PRELID2: variants seen among roughly 807,000 people sequenced by gnomAD.
PRELID2 encodes the protein PRELI domain containing 2.
A neutral mutation model predicts 28.4 loss-of-function variants in PRELID2; 25 were observed. The observed-to-expected ratio is 0.88, with a 90% confidence interval of 0.64 to 1.23. The LOEUF is 1.23. Among genes scored for constraint, PRELID2 ranks in the 50% most tolerant of loss-of-function variants. The pLI is 0.00. For missense variants in PRELID2, 201 were observed against 214.4 expected, an observed-to-expected ratio of 0.94 and a Z score of 0.39; for synonymous variants, 76 against 71.6, an observed-to-expected ratio of 1.06 and a Z score of -0.31.
At chr5:145,376,819 A>C in the PRELID2 span, among the ~76,000 whole-genome samples, 1 of 151,686 alleles carries the variant, frequency 6.6e-6, no homozygotes, top group Non-Finnish European at 1.5e-5. Flanking sequence ...TCTATTTTAT[A>C]ATTTTTTTTG....
At chr5:145,813,194 T>A (rs1561639105) in intron 4 of PRELID2, among the ~76,000 whole-genome samples, 1 of 152,138 alleles carries the variant, frequency 6.6e-6, no homozygotes, top group East Asian at 1.9e-4. Context: ...GCTTTTTTAT[T>A]CCCTTTAAAA....
At chr5:145,683,531 A>G (rs934443065) in intron 1 of PRELID2, among the ~76,000 whole-genome samples, 1 of 152,032 alleles carries the variant, frequency 6.6e-6, no homozygotes, top group Admixed American at 6.6e-5. Context: ...TCAGATGGCC[A>G]CCTTCTCGCT....
At chr5:145,268,057 A>G in the PRELID2 span, among the ~76,000 whole-genome samples, 1 of 152,150 alleles carries the variant, frequency 6.6e-6, no homozygotes, top group African/African-American at 2.4e-5. Context: ...TCAGATGGAC[A>G]GTTTGAAAAT....
chr5:145,635,544 T>C (rs1753988534), intron 1 of PRELID2, among the ~76,000 whole-genome samples: 1 of 152,198 alleles, frequency 6.6e-6, no homozygotes, highest in African/African-American at 2.4e-5. Context: ...GAAATTTAAT[T>C]TATGTAAGCT....
At chr5:145,333,390 G>T in the PRELID2 span, among the ~76,000 whole-genome samples, 4 of 152,194 alleles carry the variant, frequency 2.6e-5, no homozygotes, top group African/African-American at 9.6e-5. Context: ...TCCCCCAGGT[G>T]CTCTGTCCCT....
chr5:145,299,635 ATGTGTGTGCGTG>A, the PRELID2 span, among the ~76,000 whole-genome samples: 1 of 107,554 alleles, frequency 9.3e-6, no homozygotes, highest in Non-Finnish European at 2.0e-5. Context: ...CTACATATAT[ATGTGTGTGCGTG>A]TGTGTGTGTG....
At chr5:145,526,587 A>G (rs989048402) in intron 1 of PRELID2, among the ~76,000 whole-genome samples, 1 of 152,128 alleles carries the variant, frequency 6.6e-6, no homozygotes, top group African/African-American at 2.4e-5. Context: ...GGAAAATTAG[A>G]TGTCTAGATT....
At chr5:145,722,782 G>C (rs987545864) in intron 1 of PRELID2, among the ~76,000 whole-genome samples, 1 of 152,224 alleles carries the variant, frequency 6.6e-6, no homozygotes, top group South Asian at 2.1e-4. Flanking sequence ...TTACAGGTGT[G>C]AGCCACCACA....
intron 1 of PRELID2, among the ~76,000 whole-genome samples, chr5:145,673,880 GA>G (rs1469182248): frequency 1.3e-5 from 2 of 152,138 alleles, no homozygotes; most frequent in East Asian, 3.9e-4. Context: ...AAATATTTCT[GA>G]AAAACACAGA....
chr5:145,694,983 T>A (rs1165952670), intron 1 of PRELID2, among the ~76,000 whole-genome samples: 3 of 152,168 alleles, frequency 2.0e-5, no homozygotes, highest in African/African-American at 7.2e-5. Flanking sequence ...CCCACATAGT[T>A]ATTGGACACT....
chr5:145,789,905 C>T (rs1420947861), intron 5 of PRELID2, among the ~76,000 whole-genome samples: 1 of 152,100 alleles, frequency 6.6e-6, no homozygotes, highest in Non-Finnish European at 1.5e-5. Context: ...GGTTCAACAG[C>T]ACCAATCATT....
the PRELID2 span, among the ~76,000 whole-genome samples, chr5:145,239,003 AAC>A: frequency 6.8e-6 from 1 of 146,692 alleles, no homozygotes; most frequent in African/African-American, 2.8e-5. Context: ...CTATCTATCT[AAC>A]ACACACACAT....
At chr5:145,301,055 A>C in the PRELID2 span, among the ~76,000 whole-genome samples, 1 of 152,070 alleles carries the variant, frequency 6.6e-6, no homozygotes. Context: ...TGTTTGCCTA[A>C]CAATATATCC....
At chr5:145,249,945 C>G in the PRELID2 span, among the ~76,000 whole-genome samples, 3 of 150,230 alleles carry the variant, frequency 2.0e-5, no homozygotes, top group Non-Finnish European at 4.4e-5. Context: ...CTGTCTCTCT[C>G]TCTCTCTCTC....
In PRELID2 at chr5:145,507,087, T is replaced by C. The variant is rs183925325; in HGVS notation, n.71-33772A>G. The stretch of plus-strand genomic sequence containing the variant: ...CACTTAGCATACAGTAAGGGCTCAA[T>C]AAATCCTTATAAGATAAATACATTC... On this transcript the variant is annotated intron_variant and non_coding_transcript_variant, in intron 1 of 2. Coordinates refer to the PRELID2 transcript ENST00000510259. Among the ~76,000 whole-genome samples the C allele has an allele frequency of 1.2e-3, 185 of 152,322 alleles. 1 individual carries two copies. The highest frequency in any genetic ancestry group is 2.4e-4 in the Non-Finnish European group (16 of 68,022).
At chr5:145,301,930 C>CTTTTTTTTT in the PRELID2 span, among the ~76,000 whole-genome samples, 12 of 110,202 alleles carry the variant, frequency 1.1e-4, 1 homozygote, top group East Asian at 2.7e-4. Context: ...TTATTCATTT[C>CTTTTTTTTT]TTTTTTTTTT....
intron 1 of PRELID2, among the ~76,000 whole-genome samples, chr5:145,496,977 C>T (rs748990651): frequency 6.6e-6 from 1 of 152,116 alleles, no homozygotes; most frequent in Non-Finnish European, 1.5e-5. Flanking sequence ...ATCCTCCCAC[C>T]TCAGCCTCCT....
At chr5:145,419,690 C>A in the PRELID2 span, among the ~76,000 whole-genome samples, 3 of 152,244 alleles carry the variant, frequency 2.0e-5, no homozygotes, top group East Asian at 5.8e-4. Flanking sequence ...TGCCTGTTCA[C>A]TCTGATGGTA....
At chr5:145,373,154 T>C in the PRELID2 span, among the ~76,000 whole-genome samples, 120 of 41,594 alleles carry the variant, frequency 2.9e-3, 1 homozygote, top group Admixed American at 4.5e-3. Flanking sequence ...ATATAATATA[T>C]ATGATATATA....
Sources: allele counts gnomAD v4.1 joint callset (sites outside exome capture counted in the v4.1 genomes callset), GRCh38; gene constraint gnomAD v4.1.1; transcripts MANE v1.5; gene names NCBI Gene and HGNC (gene_info 2026-07-23, HGNC 2026-07-21).